The following SH3TC2 variants were observed in gnomAD, a reference collection of about 807,000 sequenced individuals.
SH3TC2 encodes SH3 domain and tetratricopeptide repeats 2.
In SH3TC2, 87 loss-of-function variants were observed where a neutral mutation model predicts 124.5. The observed-to-expected ratio is 0.70, with a 90% CI of 0.59 to 0.84. The LOEUF is 0.84. SH3TC2 is among the 40% of genes least tolerant of loss of function. The probability of loss-of-function intolerance (pLI) is 0.00; values close to 1 mark genes in which losing one functional copy is unlikely to be tolerated. For missense variants in SH3TC2, 1,536 were observed against 1,566.4 expected, an observed-to-expected ratio of 0.98 and a Z score of 0.33; for synonymous variants, 634 against 628.5, an observed-to-expected ratio of 1.01 and a Z score of -0.13.
Position 148,998,433 on chromosome 5 carries a change from G to T in SH3TC2, c.*6278C>A, listed in dbSNP as rs536391375. Among the ~76,000 whole-genome samples the T allele has an allele frequency of 6.6e-6, 1 of 152,310 alleles. No individual in the cohort carries two copies. Among genetic ancestry groups the T allele is most frequent in the South Asian group, 2.1e-4 (1 of 4,824 alleles). On this transcript the variant is annotated 3_prime_UTR_variant, in exon 17 of 17. Coordinates refer to ENST00000515425, the MANE Select transcript of SH3TC2 (RefSeq NM_024577.4). ...TAGCCTGTCTTCTCATTAGCCATGTGACTTCAACCATCCTCTCACCTACCC... is the reference window on the plus strand; with the variant it reads ...TAGCCTGTCTTCTCATTAGCCATGTTACTTCAACCATCCTCTCACCTACCC...
intron 12 of SH3TC2, among the ~76,000 whole-genome samples, chr5:149,018,049 T>C (rs1454424700): frequency 2.0e-5 from 3 of 152,336 alleles, no homozygotes; most frequent in African/African-American, 7.2e-5. Context: ...TTTGAAAAGC[T>C]TGCTAACCCT....
Position 149,026,274 on chromosome 5 carries a change from T to C in SH3TC2, c.3053+298A>G, listed in dbSNP as rs547935945. The C allele has an allele frequency of 2.3e-5, 10 of 426,456 alleles. No individual in the cohort carries two copies. The East Asian group carries it at 4.4e-4, about 19-fold the overall frequency. 26.4% of individuals were successfully genotyped at this position (426,456 alleles called of 1,614,324 possible). On this transcript the variant is annotated intron_variant, in intron 12 of 16. Transcript: ENST00000515425. ...GACCTATCTATGTATCAGGCACAGT[T>C]ATGAGTGTTTTATGAGCATTAACTC...
chr5:148,992,443 C>T lies in SH3TC2; in HGVS notation c.*12268G>A, dbSNP rs1753433770. ...CTGGAGGATACATATATAACACCTA[C>T]CTAAGCCCTAGCATGTCAACCCTGG... On this transcript the variant is annotated 3_prime_UTR_variant, in exon 17 of 17. Coordinates refer to ENST00000515425, the MANE Select transcript of SH3TC2 (RefSeq NM_024577.4). 6.6e-6 allele frequency among the ~76,000 whole-genome samples: 1 copy of T among 152,094 alleles called. No homozygotes were observed. Among genetic ancestry groups the T allele is most frequent in the African/African-American group, 2.4e-5 (1 of 41,408 alleles).
chr5:149,026,530 G>A (rs1406474689), intron 12 of SH3TC2, 42 bp downstream of exon 12: 1 of 1,608,846 alleles, frequency 6.2e-7, no homozygotes, highest in Non-Finnish European at 8.5e-7. Context: ...TCTCCTTAAG[G>A]AAGGAAAGCT....
intron 7 of SH3TC2, among the ~76,000 whole-genome samples, chr5:149,040,033 C>T (rs991427505): frequency 2.0e-5 from 3 of 152,110 alleles, no homozygotes; most frequent in African/African-American, 7.2e-5. Flanking sequence ...CTTCATTATC[C>T]AGTAGATATG....
At position 148,993,066 on chromosome 5, in the gene SH3TC2, G is replaced by A. The variant is rs1041701711; in HGVS notation, c.*11645C>T. 3.3e-5 allele frequency among the ~76,000 whole-genome samples: 5 copies of A among 152,054 alleles called. No individual in the cohort carries two copies. The highest frequency in any genetic ancestry group is 5.9e-5 in the Non-Finnish European group (4 of 68,016). On this transcript the variant is annotated 3_prime_UTR_variant, in exon 17 of 17. Coordinates refer to ENST00000515425, the MANE Select transcript of SH3TC2 (RefSeq NM_024577.4). ...GATCTGGTCTGGGCTGCCTTTACCT[G>A]GCCTCACTCCTGGCTTCCATAGACG... is the stretch of plus-strand genomic sequence containing the variant.
At chr5:149,024,235 A>G (rs1017278056) in intron 12 of SH3TC2, among the ~76,000 whole-genome samples, 1 of 152,216 alleles carries the variant, frequency 6.6e-6, no homozygotes, top group Non-Finnish European at 1.5e-5. Flanking sequence ...ATGTCAGCAT[A>G]TAGCTTCAGC....
intron 8 of SH3TC2, chr5:149,034,413 G>A (rs1754249545): frequency 2.5e-5 from 8 of 321,628 alleles, no homozygotes; most frequent in South Asian, 1.3e-4. Context: ...TTCCAGAAGA[G>A]AGACTAAAAA....
chr5:149,058,101 T>C (rs994204249), intron 1 of SH3TC2, among the ~76,000 whole-genome samples: 4 of 152,300 alleles, frequency 2.6e-5, no homozygotes, highest in African/African-American at 9.6e-5. Flanking sequence ...GATAACATCA[T>C]CTGAACACCT....
At chr5:149,022,573 C>T (rs996709204) in intron 12 of SH3TC2, among the ~76,000 whole-genome samples, 17 of 152,252 alleles carry the variant, frequency 1.1e-4, no homozygotes, top group African/African-American at 3.9e-4. Context: ...CTTCTTCACA[C>T]AAAAATTTGT....
At position 148,983,161 on chromosome 5, in the gene SH3TC2, C is replaced by T. The variant is rs1224737198; in HGVS notation, c.*21550G>A. On this transcript the variant is annotated 3_prime_UTR_variant, in exon 17 of 17. Coordinates refer to ENST00000515425, the MANE Select transcript of SH3TC2 (RefSeq NM_024577.4). ...TACTTAATTTGGCTTAAAGCACATG[C>T]TGTATAAAACATGTCCTGTTAAAAG... Among the ~76,000 whole-genome samples, 2 of 152,232 alleles carry T rather than the reference C, an allele frequency of 1.3e-5. No individual in the cohort carries two copies. The highest frequency in any genetic ancestry group is 2.9e-5 in the Non-Finnish European group (2 of 68,042).
intron 9 of SH3TC2, among the ~76,000 whole-genome samples, chr5:149,029,101 C>T (rs957651120): frequency 5.3e-5 from 8 of 152,156 alleles, no homozygotes; most frequent in South Asian, 2.1e-4. Flanking sequence ...AGCGAGTTCA[C>T]GATGGAGCCA....
intron 3 of SH3TC2, chr5:149,045,963 T>TAA: frequency 7.3e-6 from 3 of 410,256 alleles, no homozygotes; most frequent in African/African-American, 2.2e-5. Context: ...TTATAATACC[T>TAA]AAAAAAAAAG....
Position 149,028,324 on chromosome 5 carries a change from TG to T in SH3TC2, c.1407del (p.Ile470TyrfsTer54). 6.2e-7 allele frequency: 1 copy of T among 1,614,044 alleles called. No homozygotes were observed. The highest frequency in any genetic ancestry group is 8.5e-7 in the Non-Finnish European group (1 of 1,180,034). On this transcript the variant is annotated frameshift_variant, in exon 11 of 17. Coordinates refer to ENST00000515425, the MANE Select transcript of SH3TC2 (RefSeq NM_024577.4). LOFTEE classifies it high-confidence loss of function. ...GQEEEAENFA[P>X]ILAFLDHEGY... ...CCCTCATGATCCAGAAAAGCCAATA[TG>T]GGGGCGAAGTTCTCAGCCTCCTCCT...
At chr5:149,060,441 G>A (rs567552485) in intron 1 of SH3TC2, among the ~76,000 whole-genome samples, 2 of 152,288 alleles carry the variant, frequency 1.3e-5, no homozygotes, top group Non-Finnish European at 2.9e-5. Flanking sequence ...TGCAGGCAGA[G>A]TCCACATGTA....
rs183132684 is a variant in SH3TC2 at position 148,996,377 on chromosome 5, C to T, written c.*8334G>A. Reference sequence around the variant, plus strand: ...GGATCAGAATATCAGTTTATATAAGCTCTTAGGACTGTAAAACAACCGGAA... The same window carrying T: ...GGATCAGAATATCAGTTTATATAAGTTCTTAGGACTGTAAAACAACCGGAA... On this transcript the variant is annotated 3_prime_UTR_variant, in exon 17 of 17. Coordinates refer to ENST00000515425, the MANE Select transcript of SH3TC2 (RefSeq NM_024577.4). 4.6e-5 allele frequency among the ~76,000 whole-genome samples: 7 copies of T among 152,252 alleles called. No homozygotes were observed. The highest frequency in any genetic ancestry group is 1.7e-4 in the African/African-American group (7 of 41,542).
intron 3 of SH3TC2, chr5:149,046,694 C>T (rs978778800): frequency 1.3e-5 from 2 of 152,230 alleles, no homozygotes; most frequent in Non-Finnish European, 2.9e-5. Flanking sequence ...GTATGTCTGA[C>T]TCAAGCTTCA....
In SH3TC2 at chr5:148,998,838, T is replaced by A. The variant is rs960626988; in HGVS notation, c.*5873A>T. Among the ~76,000 whole-genome samples, 8 of 152,176 alleles carry A rather than the reference T, an allele frequency of 5.3e-5. No individual in the cohort carries two copies. Among genetic ancestry groups the A allele is most frequent in the African/African-American group, 1.9e-4 (8 of 41,450 alleles). On this transcript the variant is annotated 3_prime_UTR_variant, in exon 17 of 17. Transcript: ENST00000515425. ...TCCTCAAGTCCCCTGAGTTCTGGAA[T>A]AATCAGACAGAGTTGGGAGAGTGAG... is the stretch of plus-strand genomic sequence containing the variant.
In SH3TC2 at chr5:148,984,094, T is replaced by G. The variant is rs1043323059; in HGVS notation, c.*20617A>C. Among the ~76,000 whole-genome samples the G allele has an allele frequency of 1.3e-5, 2 of 152,230 alleles. No individual in the cohort carries two copies. The highest frequency in any genetic ancestry group is 2.9e-5 in the Non-Finnish European group (2 of 68,036). ...GATATCACTTCCCAGATTTGGGACG[T>G]TTTCAGCTATTATTTCTTTAGATAG... On this transcript the variant is annotated 3_prime_UTR_variant, in exon 17 of 17. Coordinates refer to ENST00000515425, the MANE Select transcript of SH3TC2 (RefSeq NM_024577.4).
Sources: gnomAD v4.1 joint callset for allele counts (sites outside exome capture counted in the v4.1 genomes callset) on GRCh38, gnomAD v4.1.1 for gene constraint, MANE v1.5 for transcripts, NCBI Gene and HGNC (gene_info 2026-07-23, HGNC 2026-07-21) for gene names.